The following HOMER1 variants were observed in gnomAD, a reference collection of about 807,000 sequenced individuals.
The protein encoded by HOMER1 is homer scaffold protein 1.
HOMER1 carries 3 observed loss-of-function variants against 48.9 expected under a neutral mutation model. The ratio of observed to expected loss-of-function variants is 0.06; its 90% CI spans 0.03 to 0.16. The LOEUF is 0.16. HOMER1 is among the 10% of genes least tolerant of loss of function. HOMER1 has a pLI of 1.00. For missense variants in HOMER1, 247 were observed against 411.4 expected (o/e 0.60, Z 3.46); for synonymous variants, 134 against 146.4 (o/e 0.92, Z 0.61).
intron 1 of HOMER1, among the ~76,000 whole-genome samples, chr5:79,504,246 G>A (rs775711547): frequency 6.6e-6 from 1 of 151,816 alleles, no homozygotes; most frequent in Non-Finnish European, 1.5e-5. Flanking sequence ...CAGAACCCTG[G>A]CAATACTCAG....
intron 8 of HOMER1, among the ~76,000 whole-genome samples, chr5:79,381,055 C>G (rs1748957697): frequency 6.6e-6 from 1 of 152,142 alleles, no homozygotes; most frequent in African/African-American, 2.4e-5. Context: ...ATCAGCTTGC[C>G]TGGAACTGCT....
intron 1 of HOMER1, among the ~76,000 whole-genome samples, chr5:79,484,511 G>GAAGTCCAGCCTAGGCAACACTGC (rs1354632370): frequency 6.6e-6 from 1 of 152,042 alleles, no homozygotes; most frequent in Non-Finnish European, 1.5e-5. Flanking sequence ...TCAGGAATTT[G>GAAGTCCAGCCTAGGCAACACTGC]AAGTCCAGCC....
intron 5 of HOMER1, 149 bp from the exon 6 acceptor site, chr5:79,402,204 T>C (rs6861639): frequency 0.37 from 237,656 of 641,034 alleles, 52,737 homozygotes; most frequent in African/African-American, 0.78. Context: ...CTCGCTCTGT[T>C]GCCCAGGCTG....
chr5:79,478,199 G>T (rs930908958), intron 1 of HOMER1, among the ~76,000 whole-genome samples: 3 of 152,108 alleles, frequency 2.0e-5, no homozygotes, highest in Non-Finnish European at 4.4e-5. Flanking sequence ...CTTTGCTGTA[G>T]AACTCCAACA....
intron 1 of HOMER1, among the ~76,000 whole-genome samples, chr5:79,508,215 T>C (rs1248666610): frequency 1.3e-5 from 2 of 152,236 alleles, no homozygotes; most frequent in Non-Finnish European, 2.9e-5. Context: ...CTTTTCAAAT[T>C]ACCAGTTGCT....
At chr5:79,378,272 A>G (rs917577258) in intron 8 of HOMER1, among the ~76,000 whole-genome samples, 5 of 150,592 alleles carry the variant, frequency 3.3e-5, no homozygotes, top group Admixed American at 1.3e-4. Context: ...TTAAAAAGTA[A>G]TAACTCTGGG....
At chr5:79,435,026 C>T (rs1750535537) in intron 5 of HOMER1, among the ~76,000 whole-genome samples, 1 of 152,066 alleles carries the variant, frequency 6.6e-6, no homozygotes, top group Admixed American at 6.6e-5. Flanking sequence ...ACAAGACTGG[C>T]CATTTTTTCA....
At chr5:79,469,060 C>A (rs80233974) in intron 1 of HOMER1, among the ~76,000 whole-genome samples, 6,433 of 152,144 alleles carry the variant, frequency 0.042, 338 homozygotes, top group East Asian at 0.27. Flanking sequence ...CTCATATATC[C>A]AATTCTAACC....
intron 1 of HOMER1, among the ~76,000 whole-genome samples, chr5:79,500,742 A>G (rs1329613995): frequency 6.6e-6 from 1 of 150,554 alleles, no homozygotes; most frequent in Non-Finnish European, 1.5e-5. Flanking sequence ...CTTATGCCTC[A>G]ACTTCCTGAG....
chr5:79,467,428 T>C (rs1172424399), intron 1 of HOMER1, among the ~76,000 whole-genome samples: 1 of 144,404 alleles, frequency 6.9e-6, no homozygotes, highest in East Asian at 2.1e-4. Context: ...TGAAATGCTA[T>C]AAAGGCCATT....
Position 79,389,516 on chromosome 5 carries a change from C to T in HOMER1, c.876+7307G>A, listed in dbSNP as rs551479659. 6.6e-5 allele frequency among the ~76,000 whole-genome samples: 10 copies of T among 152,274 alleles called. No homozygotes were observed. The East Asian group carries it at 1.7e-3, about 26-fold the overall frequency. ...AAGAGACGATTAGGTCATGAGGGCTCCTCTCCTCATGAATGGGAGTAAGGT... is the reference window on the plus strand; with the variant it reads ...AAGAGACGATTAGGTCATGAGGGCTTCTCTCCTCATGAATGGGAGTAAGGT... On this transcript the variant is annotated intron_variant, in intron 8 of 8. Transcript: ENST00000334082.
At chr5:79,416,912 G>A (rs75575784) in intron 5 of HOMER1, among the ~76,000 whole-genome samples, 3,729 of 152,182 alleles carry the variant, frequency 0.025, 150 homozygotes, top group African/African-American at 0.084. Context: ...GTGCCTTACA[G>A]GTGTTTTAAA....
chr5:79,409,444 A>G (rs1356717480), intron 5 of HOMER1, among the ~76,000 whole-genome samples: 1 of 150,018 alleles, frequency 6.7e-6, no homozygotes, highest in Non-Finnish European at 1.5e-5. Flanking sequence ...AAAAAAAAAA[A>G]GGAGAAAACC....
rs1456426552 is a variant in HOMER1, at chr5:79,512,966, CA to C, written c.-193del. The C allele has an allele frequency of 1.7e-6, 1 of 594,716 alleles. No homozygotes were observed. Among genetic ancestry groups the C allele is most frequent in the African/African-American group, 1.9e-5 (1 of 52,946 alleles). 36.8% of individuals were successfully genotyped at this position (594,716 alleles called of 1,614,324 possible). ...AAAATGATTTCTCTCTTGTAAATACCAAAACGTTCAAACAGAGGCGGCATTT... is the reference window on the plus strand; with the variant it reads ...AAAATGATTTCTCTCTTGTAAATACCAAACGTTCAAACAGAGGCGGCATTT... On this transcript the variant is annotated 5_prime_UTR_variant, in exon 1 of 9. It removes the in-frame stop codon of an upstream open reading frame in the 5' UTR. Coordinates refer to ENST00000334082, the MANE Select transcript of HOMER1 (RefSeq NM_004272.5).
chr5:79,508,717 C>T (rs568493894), intron 1 of HOMER1, among the ~76,000 whole-genome samples: 3 of 152,144 alleles, frequency 2.0e-5, no homozygotes, highest in Non-Finnish European at 4.4e-5. Context: ...CCTTTTTATC[C>T]TTCCCTCAGC....
At chr5:79,443,586 A>G (rs1750798029) in intron 4 of HOMER1, among the ~76,000 whole-genome samples, 1 of 152,354 alleles carries the variant, frequency 6.6e-6, no homozygotes, top group East Asian at 1.9e-4. Flanking sequence ...AAGGCCTTAC[A>G]TCATCATCCT....
Position 79,439,067 on chromosome 5 carries a change from G to A in HOMER1, c.470C>T (p.Thr157Ile), listed in dbSNP as rs1750671477. ...GTDDERTPDV[T>I]QNSEPRAEPT... ...TTCAGCCCTTGGCTCTGAGTTCTGT[G>A]TCACATCAGGTGTTCTTTCATCATC... Residue 157 changes from threonine to isoleucine, a missense_variant, in exon 5 of 9, where the codon ACA becomes ATA. By Grantham distance (89) the Thr-to-Ile change is moderately conservative. Around this residue, in one of 4 missense-constraint regions of HOMER1, gnomAD observed 94 missense variants for 112.4 expected, o/e 0.84. Coordinates refer to ENST00000334082, the MANE Select transcript of HOMER1 (RefSeq NM_004272.5). 1 of 1,613,720 alleles carries A rather than the reference G, an allele frequency of 6.2e-7. No homozygotes were observed. Among genetic ancestry groups the A allele is most frequent in the Non-Finnish European group, 8.5e-7 (1 of 1,179,700 alleles).
chr5:79,480,335 G>A (rs1751912504), intron 1 of HOMER1, among the ~76,000 whole-genome samples: 1 of 152,174 alleles, frequency 6.6e-6, no homozygotes, highest in South Asian at 2.1e-4. Flanking sequence ...ACAACTCTAA[G>A]ATATAAAAGT....
intron 1 of HOMER1, among the ~76,000 whole-genome samples, chr5:79,462,429 A>G (rs1318741264): frequency 6.6e-6 from 1 of 152,228 alleles, no homozygotes; most frequent in Non-Finnish European, 1.5e-5. Context: ...CAATTCTTTA[A>G]AAGTACTACA....
Sources: gnomAD v4.1 joint callset for allele counts (sites outside exome capture counted in the v4.1 genomes callset) on GRCh38, gnomAD v4.1.1 for gene constraint, gnomAD v4.1.1 regional missense constraint, MANE v1.5 for transcripts, NCBI Gene and HGNC (gene_info 2026-07-23, HGNC 2026-07-21) for gene names.